The following ATP10B variants were observed in gnomAD, a reference collection of about 807,000 sequenced individuals.
ATP10B encodes ATPase phospholipid transporting 10B (putative), also known as phospholipid-transporting ATPase VB.
A neutral mutation model predicts 141.2 loss-of-function variants in ATP10B; 122 were observed. That is an observed-to-expected ratio of 0.86 (90% CI 0.75 to 1.00). The LOEUF (loss-of-function observed/expected upper bound fraction) is 1.00. ATP10B is among the 50% of genes least tolerant of loss of function. ATP10B has a pLI of 0.00. For synonymous variants in ATP10B, 685 were observed against 692.0 expected (o/e 0.99, Z 0.16); for missense variants, 1,876 against 1,825.3 (o/e 1.03, Z -0.51).
chr5:160,766,876 A>G (rs918705926), intron 2 of ATP10B, among the ~76,000 whole-genome samples: 2 of 152,210 alleles, frequency 1.3e-5, no homozygotes, highest in East Asian at 3.8e-4. Context: ...TGTGGGCACA[A>G]TGGTGCTATT....
At chr5:160,809,051 T>A (rs1002250743) in intron 1 of ATP10B, among the ~76,000 whole-genome samples, 1 of 152,214 alleles carries the variant, frequency 6.6e-6, no homozygotes, top group Admixed American at 6.5e-5. Flanking sequence ...CCTGTCTCTG[T>A]ATCCAAATTC....
intron 1 of ATP10B, among the ~76,000 whole-genome samples, chr5:160,826,810 G>C (rs1774638809): frequency 3.3e-5 from 5 of 152,146 alleles, no homozygotes; most frequent in Admixed American, 3.3e-4. Context: ...ATACAGTTGA[G>C]ATAAGGACTG....
At chr5:160,684,835 C>A in intron 6 of ATP10B, 1 of 683,266 alleles carries the variant, frequency 1.5e-6, no homozygotes, top group South Asian at 1.6e-5. Flanking sequence ...TTTGCTTTAC[C>A]TGCTGTAGAT....
At chr5:160,893,771 G>A in the ATP10B span, among the ~76,000 whole-genome samples, 14 of 152,280 alleles carry the variant, frequency 9.2e-5, no homozygotes, top group East Asian at 3.9e-4. Context: ...AGCAGGGGTC[G>A]ACAGACACCT....
chr5:160,721,033 A>G (rs1291786027), intron 2 of ATP10B, among the ~76,000 whole-genome samples: 3 of 152,120 alleles, frequency 2.0e-5, no homozygotes, highest in East Asian at 3.8e-4. Flanking sequence ...AAGTATGTGC[A>G]TATGTGTGTG....
At chr5:160,890,990 T>G in the ATP10B span, among the ~76,000 whole-genome samples, 2 of 130,668 alleles carry the variant, frequency 1.5e-5, no homozygotes, top group South Asian at 4.6e-4. Flanking sequence ...TTTGTTTACG[T>G]GTATGTGTGT....
At chr5:160,817,378 T>C (rs1351576235) in intron 1 of ATP10B, among the ~76,000 whole-genome samples, 2 of 152,130 alleles carry the variant, frequency 1.3e-5, no homozygotes, top group East Asian at 3.8e-4. Flanking sequence ...GAGAGCCAAA[T>C]CATGAGTGAA....
the ATP10B span, among the ~76,000 whole-genome samples, chr5:160,921,165 A>T: frequency 3.9e-5 from 6 of 152,212 alleles, no homozygotes; most frequent in South Asian, 1.2e-3. Flanking sequence ...CCTCTACAGG[A>T]TCAAATATTG....
chr5:160,907,934 T>C, the ATP10B span, among the ~76,000 whole-genome samples: 1 of 152,190 alleles, frequency 6.6e-6, no homozygotes, highest in Non-Finnish European at 1.5e-5. Context: ...CCATCTCTCA[T>C]ACTCTGCGCC....
chr5:160,569,802 T>A, intron 24 of ATP10B, 119 bp from the exon 25 acceptor site: 4 of 814,842 alleles, frequency 4.9e-6, no homozygotes, highest in African/African-American at 1.8e-5. Context: ...CACACAAAAT[T>A]CAAAAAAGTG....
At chr5:160,808,280 C>A (rs1275479402) in intron 1 of ATP10B, among the ~76,000 whole-genome samples, 1 of 152,120 alleles carries the variant, frequency 6.6e-6, no homozygotes, top group Non-Finnish European at 1.5e-5. Flanking sequence ...GGCTTCGAAA[C>A]TTTCTAATGA....
At chr5:160,761,869 A>T (rs1769070495) in intron 2 of ATP10B, among the ~76,000 whole-genome samples, 1 of 152,224 alleles carries the variant, frequency 6.6e-6, no homozygotes, top group Non-Finnish European at 1.5e-5. Context: ...CTCCAGAGAA[A>T]TAGATATCAC....
intron 1 of ATP10B, among the ~76,000 whole-genome samples, chr5:160,807,384 A>G (rs1243540332): frequency 6.6e-6 from 1 of 152,202 alleles, no homozygotes; most frequent in Non-Finnish European, 1.5e-5. Context: ...TTTTTAAGTT[A>G]GAGCTGAGAA....
the ATP10B span, among the ~76,000 whole-genome samples, chr5:160,920,779 C>A: frequency 6.6e-6 from 1 of 152,286 alleles, no homozygotes; most frequent in East Asian, 1.9e-4. Context: ...AATGGAGATT[C>A]TGATTCTAAA....
At chr5:160,892,118 G>A in the ATP10B span, among the ~76,000 whole-genome samples, 2 of 152,212 alleles carry the variant, frequency 1.3e-5, no homozygotes, top group Admixed American at 1.3e-4. Context: ...TTAGTGAGAA[G>A]CTGCAATATT....
At chr5:160,843,197 G>GA (rs898028013) in intron 1 of ATP10B, among the ~76,000 whole-genome samples, 1 of 152,112 alleles carries the variant, frequency 6.6e-6, no homozygotes, top group African/African-American at 2.4e-5. Context: ...AAGAGGTTTA[G>GA]AAAAAAGAGG....
chr5:160,590,415 G>A (rs1756209165), intron 23 of ATP10B, among the ~76,000 whole-genome samples: 1 of 152,160 alleles, frequency 6.6e-6, no homozygotes, highest in Non-Finnish European at 1.5e-5. Context: ...ATAAGCAACA[G>A]TGTTTACCTG....
intron 2 of ATP10B, among the ~76,000 whole-genome samples, chr5:160,744,817 C>T (rs746794779): frequency 4.6e-5 from 7 of 152,158 alleles, no homozygotes; most frequent in Non-Finnish European, 7.3e-5. Context: ...ATGCAAACGA[C>T]GATTTCAAAG....
At chr5:160,662,068 G>C (rs546228956) in intron 7 of ATP10B, among the ~76,000 whole-genome samples, 5 of 152,220 alleles carry the variant, frequency 3.3e-5, no homozygotes, top group South Asian at 2.1e-4. Context: ...GAATAAAATA[G>C]CTAGGAATCC....
Sources: allele counts gnomAD v4.1 joint callset (sites outside exome capture counted in the v4.1 genomes callset), GRCh38; gene constraint gnomAD v4.1.1; transcripts MANE v1.5; gene names NCBI Gene and HGNC (gene_info 2026-07-23, HGNC 2026-07-21).